Variants in DCBLD1 observed in about 807,000 individuals in gnomAD.
DCBLD1 encodes discoidin, CUB and LCCL domain-containing protein 1.
In DCBLD1, 57 loss-of-function variants were observed where a neutral mutation model predicts 71.5. The ratio of observed to expected loss-of-function variants is 0.80; its 90% CI spans 0.64 to 0.99. The LOEUF is 0.99. Ranked by LOEUF, DCBLD1 falls within the 50% of genes least tolerant of loss-of-function variation. DCBLD1 has a pLI of 0.00. For synonymous variants in DCBLD1, 380 were observed against 363.8 expected (o/e 1.04, Z -0.51); for missense variants, 891 against 923.5 (o/e 0.96, Z 0.46).
At chr6:117,509,378 G>A (rs1777940374) in intron 2 of DCBLD1, among the ~76,000 whole-genome samples, 1 of 152,166 alleles carries the variant, frequency 6.6e-6, no homozygotes, top group Non-Finnish European at 1.5e-5. Flanking sequence ...GCTACAGTGA[G>A]CCATGTCGTG....
At chr6:117,541,080 ATAT>A (rs1289336244) in intron 11 of DCBLD1, 55 bp downstream of exon 11, 12 of 1,558,528 alleles carry the variant, frequency 7.7e-6, no homozygotes, top group Non-Finnish European at 1.1e-5. Flanking sequence ...AACCCACCCA[ATAT>A]CAGTAACTTC....
intron 1 of DCBLD1, among the ~76,000 whole-genome samples, chr6:117,503,092 A>G (rs1489298054): frequency 6.6e-6 from 1 of 152,192 alleles, no homozygotes; most frequent in African/African-American, 2.4e-5. Flanking sequence ...GAGTTCTATG[A>G]GACAGCAAGT....
intron 5 of DCBLD1, among the ~76,000 whole-genome samples, chr6:117,528,020 T>C (rs1422399352): frequency 6.6e-6 from 1 of 152,186 alleles, no homozygotes; most frequent in East Asian, 1.9e-4. Flanking sequence ...TATCACTTAA[T>C]TAATTTGTTT....
At position 117,556,874 on chromosome 6, in the gene DCBLD1, C is replaced by A. The variant is rs576460240; in HGVS notation, c.1615+11277C>A. On this transcript the variant is annotated intron_variant, in intron 14 of 14. Coordinates refer to the DCBLD1 transcript ENST00000296955. The stretch of plus-strand genomic sequence containing the variant: ...AGTGCTCCCTTTACTCTGTAGCCTC[C>A]CCAACATCTGTTTCTTGACTTTTTA... 3.2e-4 allele frequency among the ~76,000 whole-genome samples: 48 copies of A among 152,180 alleles called. 1 individual carries two copies. Among genetic ancestry groups the A allele is most frequent in the African/African-American group, 1.1e-3 (47 of 41,548 alleles).
rs1779345277 is a variant in DCBLD1 at position 117,548,266 on chromosome 6, C to G, written c.1975C>G (p.Gln659Glu). 1 of 1,550,542 alleles carries G rather than the reference C, an allele frequency of 6.4e-7. No homozygotes were observed. Among genetic ancestry groups the G allele is most frequent in the Non-Finnish European group, 8.7e-7 (1 of 1,147,012 alleles). Residue 659 changes from glutamine to glutamate, a missense_variant, in exon 15 of 15, where the codon CAG becomes GAG. Physicochemically the swap from Gln to Glu is conservative, Grantham distance 29 (BLOSUM62 2). Transcript: ENST00000338728. ...AGACTATCAAAGGCCACACAGCGCA[C>G]AGCCTGCGGACAGGGGCTACGACCG... ...DGDYQRPHSA[Q>E]PADRGYDRPK...
intron 11 of DCBLD1, among the ~76,000 whole-genome samples, chr6:117,541,607 T>C (rs956222421): frequency 1.3e-5 from 2 of 152,198 alleles, no homozygotes; most frequent in African/African-American, 4.8e-5. Context: ...CAAATAACAT[T>C]AAAAGTACAT....
intron 1 of DCBLD1, among the ~76,000 whole-genome samples, chr6:117,488,563 T>C (rs563644806): frequency 6.6e-6 from 1 of 152,332 alleles, no homozygotes; most frequent in East Asian, 1.9e-4. Context: ...GAGGATCCCT[T>C]GAGCCCAGGA....
intron 1 of DCBLD1, among the ~76,000 whole-genome samples, chr6:117,499,375 C>G (rs1777576211): frequency 6.6e-6 from 1 of 151,088 alleles, no homozygotes; most frequent in South Asian, 2.1e-4. Context: ...CCACTGTATT[C>G]CAGCCTGGGT....
At position 117,548,643 on chromosome 6, in the gene DCBLD1, G is replaced by A; in HGVS notation, c.*204G>A. ...CAGCTGGTTTCGTGCTGACCCTTAGGGTGCGTCTGTTGGGTTTTGTTGGGC... is the reference window on the plus strand; with the variant it reads ...CAGCTGGTTTCGTGCTGACCCTTAGAGTGCGTCTGTTGGGTTTTGTTGGGC... On this transcript the variant is annotated 3_prime_UTR_variant, in exon 15 of 15. Coordinates refer to ENST00000338728, the MANE Select transcript of DCBLD1 (RefSeq NM_001366458.2). The A allele has an allele frequency of 7.0e-7, 1 of 1,424,278 alleles. No homozygotes were observed. Among genetic ancestry groups the A allele is most frequent in the Non-Finnish European group, 9.1e-7 (1 of 1,094,516 alleles). 88.2% of individuals were successfully genotyped at this position (1,424,278 alleles called of 1,614,324 possible).
In DCBLD1 at chr6:117,549,704, A is replaced by G. The variant is rs1252499655; in HGVS notation, c.*1265A>G. ...GGGTGCTGGAAGGTCATGGCAGACT[A>G]GCTGCTGGTTAGTGTGGAGGGGAAA... On this transcript the variant is annotated 3_prime_UTR_variant, in exon 15 of 15. Coordinates refer to ENST00000338728, the MANE Select transcript of DCBLD1 (RefSeq NM_001366458.2). 1 of 985,442 alleles carries G rather than the reference A, an allele frequency of 1.0e-6. No individual in the cohort carries two copies. The highest frequency in any genetic ancestry group is 1.2e-6 in the Non-Finnish European group (1 of 829,954). The allele number at this position is 985,442 out of a possible 1,614,324, so 61.0% of individuals were successfully genotyped here.
intron 6 of DCBLD1, among the ~76,000 whole-genome samples, chr6:117,532,886 C>T (rs775182683): frequency 1.4e-4 from 22 of 152,134 alleles, no homozygotes; most frequent in Admixed American, 3.3e-4. Context: ...TTATATTCTT[C>T]GTTTGTTTTT....
intron 2 of DCBLD1, among the ~76,000 whole-genome samples, chr6:117,518,267 G>C (rs986370915): frequency 2.0e-5 from 3 of 152,200 alleles, no homozygotes; most frequent in African/African-American, 7.2e-5. Flanking sequence ...CTTTGCTCCA[G>C]TTCCCAACCA....
chr6:117,554,397 A>T (rs57533520), downstream of DCBLD1, among the ~76,000 whole-genome samples: 1,537 of 152,178 alleles, frequency 0.01, 33 homozygotes, highest in African/African-American at 0.036. Flanking sequence ...TTTCCCCCTC[A>T]CAAGGAATGT....
chr6:117,494,486 A>C (rs1777405956), intron 1 of DCBLD1, among the ~76,000 whole-genome samples: 1 of 152,212 alleles, frequency 6.6e-6, no homozygotes, highest in Non-Finnish European at 1.5e-5. Context: ...TCCTGACATT[A>C]TTAACAAAGG....
intron 5 of DCBLD1, among the ~76,000 whole-genome samples, chr6:117,527,136 A>C (rs1434437813): frequency 6.6e-6 from 1 of 152,228 alleles, no homozygotes; most frequent in African/African-American, 2.4e-5. Context: ...AAAGCAAACA[A>C]GGGAGAGTCT....
intron 1 of DCBLD1, among the ~76,000 whole-genome samples, chr6:117,497,593 A>G (rs536452050): frequency 1.5e-4 from 23 of 152,352 alleles, no homozygotes; most frequent in Non-Finnish European, 2.4e-4. Flanking sequence ...TTTGGAGAAT[A>G]GATACTGAGT....
At chr6:117,545,647 G>A (rs1280570613) in intron 14 of DCBLD1, 50 bp downstream of exon 14, 9 of 1,578,042 alleles carry the variant, frequency 5.7e-6, no homozygotes, top group Non-Finnish European at 6.9e-6. Context: ...GGTGCTGCTT[G>A]TGGGGGAGGG....
At position 117,539,262 on chromosome 6, in the gene DCBLD1, G is replaced by T. The variant is rs1395321276; in HGVS notation, c.984G>T (p.Arg328Ser). Residue 328 changes from arginine (R) to serine (S), a missense_variant, in exon 9 of 15, where the codon AGG becomes AGT. By Grantham distance (110) the Arg-to-Ser change is moderately radical. Transcript: ENST00000338728. ...LGEKKKITGI[R>S]TTGSTQSNFN... ...ATATTATTTTCTTACAAGGAATTAG[G>T]ACCACAGGATCTACACAGTCGAACT... 1.3e-6 allele frequency: 2 copies of T among 1,501,052 alleles called. No individual in the cohort carries two copies. Among genetic ancestry groups the T allele is most frequent in the African/African-American group, 1.6e-5 (1 of 63,048 alleles). 93.0% of individuals were successfully genotyped at this position (1,501,052 alleles called of 1,614,324 possible).
intron 2 of DCBLD1, among the ~76,000 whole-genome samples, chr6:117,516,188 C>A (rs1778190769): frequency 6.7e-6 from 1 of 149,426 alleles, no homozygotes; most frequent in Non-Finnish European, 1.5e-5. Flanking sequence ...CCCATCTCTA[C>A]TAAAAAAAAA....
Sources: gnomAD v4.1 joint callset for allele counts (sites outside exome capture counted in the v4.1 genomes callset) on GRCh38, gnomAD v4.1.1 for gene constraint, MANE v1.5 for transcripts, NCBI Gene and HGNC (gene_info 2026-07-23, HGNC 2026-07-21) for gene names.